The following AUTS2 variants were observed in gnomAD, a reference collection of about 807,000 sequenced individuals.
AUTS2 encodes the protein autism susceptibility gene 2 protein.
Under a neutral mutation model 112.4 loss-of-function variants are expected in AUTS2, and 17 were observed. The observed-to-expected ratio is 0.15, with a 90% CI of 0.10 to 0.23. AUTS2 has a LOEUF of 0.23. AUTS2 is among the 10% of genes least tolerant of loss of function. AUTS2 has a pLI of 1.00. For missense variants in AUTS2, 1,510 were observed against 1,701.6 expected (o/e 0.89, Z 1.98); for synonymous variants, 751 against 702.7 (o/e 1.07, Z -1.09).
chr7:69,988,374 G>GT (rs1189045049), intron 2 of AUTS2, among the ~76,000 whole-genome samples: 2 of 152,228 alleles, frequency 1.3e-5, no homozygotes, highest in Middle Eastern at 3.4e-3. Flanking sequence ...ATTTAATGTT[G>GT]TTTTTTTCTG....
At chr7:70,451,786 G>A (rs1796545239) in intron 5 of AUTS2, among the ~76,000 whole-genome samples, 1 of 152,108 alleles carries the variant, frequency 6.6e-6, no homozygotes. Context: ...CCTTAGTGAT[G>A]ATATTTTAAC....
intron 4 of AUTS2, among the ~76,000 whole-genome samples, chr7:70,429,136 C>T (rs1050772458): frequency 6.6e-6 from 1 of 152,188 alleles, no homozygotes; most frequent in African/African-American, 2.4e-5. Flanking sequence ...TGTACTTTCT[C>T]TTTGGAATCA....
At chr7:69,633,128 C>T (rs1367209221) in intron 1 of AUTS2, among the ~76,000 whole-genome samples, 1 of 152,090 alleles carries the variant, frequency 6.6e-6, no homozygotes, top group African/African-American at 2.4e-5. Context: ...GTTTTGTTCT[C>T]TGTCTCTGAA....
At chr7:70,582,779 C>T (rs1241496632) in intron 5 of AUTS2, among the ~76,000 whole-genome samples, 1 of 152,180 alleles carries the variant, frequency 6.6e-6, no homozygotes, top group Non-Finnish European at 1.5e-5. Flanking sequence ...CCTTTTCTTG[C>T]AAATAAGAAC....
chr7:70,791,868 G>GT lies in AUTS2; in HGVS notation c.*873dup, dbSNP rs1791986883. 6.6e-6 allele frequency: 1 copy of GT among 152,212 alleles called. No individual in the cohort carries two copies. Among genetic ancestry groups the GT allele is most frequent in the Non-Finnish European group, 1.5e-5 (1 of 68,034 alleles). The allele number at this position is 152,212 out of a possible 1,614,324, so 9.4% of individuals were successfully genotyped here. The stretch of plus-strand genomic sequence containing the variant: ...AGGTAACTGAGGACATGAGCAACCA[G>GT]TGCCAGGGAGGGTGGGATTTGCCAG... On this transcript the variant is annotated 3_prime_UTR_variant, in exon 19 of 19. Coordinates refer to ENST00000342771, the MANE Select transcript of AUTS2 (RefSeq NM_015570.4).
At chr7:70,168,214 T>C (rs1250181301) in intron 4 of AUTS2, among the ~76,000 whole-genome samples, 2 of 152,204 alleles carry the variant, frequency 1.3e-5, no homozygotes, top group African/African-American at 4.8e-5. Flanking sequence ...TCTTCAGATG[T>C]GAATTGGTTC....
intron 1 of AUTS2, among the ~76,000 whole-genome samples, chr7:69,669,734 T>C (rs1796228080): frequency 1.8e-5 from 2 of 111,876 alleles, no homozygotes; most frequent in African/African-American, 5.8e-5. Context: ...ACAATTTCAC[T>C]TTTTTTTTCC....
intron 5 of AUTS2, among the ~76,000 whole-genome samples, chr7:70,488,458 C>T (rs1453809334): frequency 6.6e-6 from 1 of 152,122 alleles, no homozygotes; most frequent in Non-Finnish European, 1.5e-5. Context: ...TTTTCTGTTT[C>T]TTTTTGGCAT....
chr7:70,137,234 G>C (rs1281440292), intron 4 of AUTS2, among the ~76,000 whole-genome samples: 1 of 152,148 alleles, frequency 6.6e-6, no homozygotes, highest in Non-Finnish European at 1.5e-5. Flanking sequence ...AATTCTTAAA[G>C]TAGACAAAAT....
chr7:70,502,674 G>A (rs1798814122), intron 5 of AUTS2, among the ~76,000 whole-genome samples: 1 of 152,224 alleles, frequency 6.6e-6, no homozygotes, highest in Admixed American at 6.5e-5. Context: ...GCTCAGTGAG[G>A]TGTATAGTGG....
At chr7:70,640,110 TGGG>T (rs1482475087) in intron 5 of AUTS2, among the ~76,000 whole-genome samples, 3 of 152,134 alleles carry the variant, frequency 2.0e-5, no homozygotes, top group Admixed American at 2.0e-4. Context: ...TTTAATCCTA[TGGG>T]ATGCATTTTG....
rs577768175 is a variant in AUTS2, at chr7:70,502,209, G to A, written c.690+66428G>A. 9.2e-5 allele frequency among the ~76,000 whole-genome samples: 14 copies of A among 152,272 alleles called. No individual in the cohort carries two copies. The South Asian group carries it at 2.7e-3, about 29-fold the overall frequency. On this transcript the variant is annotated intron_variant, in intron 5 of 18. Transcript: ENST00000342771. ...GACCTCCAGCTGCAAGTGCTGCTTC[G>A]ACCATGTGCTTACGAATTGCTTCAG...
At chr7:69,839,922 C>A (rs546316342) in intron 1 of AUTS2, among the ~76,000 whole-genome samples, 1 of 151,996 alleles carries the variant, frequency 6.6e-6, no homozygotes, top group Non-Finnish European at 1.5e-5. Flanking sequence ...AGATAAGAAA[C>A]AGGAATCATT....
intron 2 of AUTS2, among the ~76,000 whole-genome samples, chr7:69,946,754 T>C (rs1318958438): frequency 2.6e-5 from 4 of 152,236 alleles, no homozygotes; most frequent in Non-Finnish European, 5.9e-5. Flanking sequence ...CATTCATCAG[T>C]TGATGGGCAT....
intron 4 of AUTS2, among the ~76,000 whole-genome samples, chr7:70,395,440 A>C (rs1219597766): frequency 1.3e-5 from 2 of 152,212 alleles, no homozygotes; most frequent in Non-Finnish European, 2.9e-5. Flanking sequence ...TTCTTTCCTA[A>C]TTATCAGCGT....
intron 4 of AUTS2, 26 bp from the exon 5 acceptor site, chr7:70,435,726 C>T: frequency 1.2e-6 from 2 of 1,613,680 alleles, no homozygotes; most frequent in South Asian, 2.2e-5. Context: ...TTGCACTAAC[C>T]CTTATTCTCT....
rs145941123 is a variant in AUTS2 at position 69,838,054 on chromosome 7, A to G, written c.310-61232A>G. ...ATGGGATTGTAGCTGGTCTACTACAAGCTGGTCTAGTTGGGATTGTAGATT... is the reference window on the plus strand; with the variant it reads ...ATGGGATTGTAGCTGGTCTACTACAGGCTGGTCTAGTTGGGATTGTAGATT... On this transcript the variant is annotated intron_variant, in intron 1 of 18. Transcript: ENST00000342771. 5.7e-4 allele frequency among the ~76,000 whole-genome samples: 87 copies of G among 152,266 alleles called. No homozygotes were observed. The East Asian group carries it at 0.015, about 26-fold the overall frequency.
intron 5 of AUTS2, among the ~76,000 whole-genome samples, chr7:70,519,930 A>T (rs1036582646): frequency 2.0e-5 from 3 of 152,192 alleles, no homozygotes; most frequent in Non-Finnish European, 4.4e-5. Context: ...CTTCATCATG[A>T]TATAATTTAT....
At chr7:69,714,249 ATGTGTGTGTGTGTG>A (rs200192496) in intron 1 of AUTS2, among the ~76,000 whole-genome samples, 11 of 92,780 alleles carry the variant, frequency 1.2e-4, no homozygotes, top group Non-Finnish European at 1.8e-4. Context: ...GTGTGTGTAT[ATGTGTGTGTGTGTG>A]TGTGTGTGTG....
Sources: gnomAD v4.1 joint callset for allele counts (sites outside exome capture counted in the v4.1 genomes callset) on GRCh38, gnomAD v4.1.1 for gene constraint, MANE v1.5 for transcripts, NCBI Gene and HGNC (gene_info 2026-07-23, HGNC 2026-07-21) for gene names.